PRAG1: variants seen among roughly 807,000 people sequenced by gnomAD.
PRAG1 encodes inactive tyrosine-protein kinase PRAG1.
A neutral mutation model predicts 95.6 loss-of-function variants in PRAG1; 110 were observed. The observed-to-expected ratio is 1.15, with a 90% CI of 0.99 to 1.35. The LOEUF is 1.35. Ranked by LOEUF, PRAG1 falls within the 40% of genes most tolerant of loss-of-function variation. The pLI is 0.00. For missense variants in PRAG1, 2,554 were observed against 1,864.7 expected (o/e 1.37, Z -6.81); for synonymous variants, 1,052 against 819.4 (o/e 1.28, Z -4.85).
intron 3 of PRAG1, among the ~76,000 whole-genome samples, chr8:8,367,011 G>C (rs893415649): frequency 6.6e-6 from 1 of 151,922 alleles, no homozygotes; most frequent in Admixed American, 6.6e-5. Flanking sequence ...AGATTTTATG[G>C]CTGAATCAGC....
intron 5 of PRAG1, among the ~76,000 whole-genome samples, chr8:8,323,073 T>C (rs529042258): frequency 3.9e-5 from 6 of 152,130 alleles, no homozygotes; most frequent in African/African-American, 9.7e-5. Flanking sequence ...AGACACTAAA[T>C]AGACTGCAAA....
chr8:8,339,828 A>G (rs1799109897), intron 3 of PRAG1, among the ~76,000 whole-genome samples, 193 bp from the exon 4 acceptor site: 1 of 152,114 alleles, frequency 6.6e-6, no homozygotes, highest in Non-Finnish European at 1.5e-5. Flanking sequence ...ATGACAGGAG[A>G]CTTCCAGAGT....
intron 2 of PRAG1, among the ~76,000 whole-genome samples, chr8:8,380,495 A>G (rs1800596884): frequency 6.6e-6 from 1 of 151,998 alleles, no homozygotes; most frequent in Non-Finnish European, 1.5e-5. Flanking sequence ...GCTTCTTGGG[A>G]GGGTGAGGCA....
intron 3 of PRAG1, among the ~76,000 whole-genome samples, chr8:8,375,886 A>G (rs60555154): frequency 1.4e-3 from 213 of 152,262 alleles, no homozygotes; most frequent in African/African-American, 4.7e-3. Context: ...ATTAACGGAA[A>G]ATATTCAGGA....
rs893536598 is a variant in PRAG1, at chr8:8,317,855, T to A, written c.*299A>T. Reference sequence around the variant, plus strand: ...AAGGTATTGAGGCCAGTGTCCAGGCTGCATTCAGTTCACAGAACTGTCCTC... The same window carrying A: ...AAGGTATTGAGGCCAGTGTCCAGGCAGCATTCAGTTCACAGAACTGTCCTC... On this transcript the variant is annotated 3_prime_UTR_variant, in exon 6 of 6. Transcript: ENST00000615670. 2 of 222,746 alleles carry A rather than the reference T, an allele frequency of 9.0e-6. No individual in the cohort carries two copies. Among genetic ancestry groups the A allele is most frequent in the Non-Finnish European group, 1.7e-5 (2 of 116,972 alleles). The allele number at this position is 222,746 out of a possible 1,614,324, so 13.8% of individuals were successfully genotyped here. A position where few individuals can be genotyped will look rare whatever the true frequency, so the allele number is the denominator to read the frequency against.
intron 3 of PRAG1, among the ~76,000 whole-genome samples, chr8:8,363,205 T>C (rs1799900851): frequency 1.3e-5 from 2 of 151,770 alleles, no homozygotes. Context: ...AACTATTACT[T>C]CTAACACTTA....
In PRAG1 at chr8:8,328,185, A is replaced by G. The variant is rs1316297184; in HGVS notation, c.2597T>C (p.Leu866Ser). ...VHDESHFSYSLSPGNRHHPVF... is the reference protein window; with the variant it reads ...VHDESHFSYSSSPGNRHHPVF... ...AGGATGGTGGCGGTTCCCGGGGCTC[A>G]ACGAATAGCTAAAGTGAGATTCGTC... Residue 866 changes from leucine to serine, a missense_variant, in exon 5 of 6, where the codon TTG becomes TCG. Transcript: ENST00000615670. 6.2e-7 allele frequency: 1 copy of G among 1,614,082 alleles called. No homozygotes were observed. The highest frequency in any genetic ancestry group is 8.5e-7 in the Non-Finnish European group (1 of 1,180,040).
At position 8,377,550 on chromosome 8, in the gene PRAG1, T is replaced by C; in HGVS notation, c.859A>G (p.Thr287Ala). ...GRHGGRDCSP[T>A]CWEQGKCSGP... ...GAACACTTCCCCTGCTCCCAGCACG[T>C]GGGTGAGCAGTCCCTGCCACCATGC... Residue 287 changes from threonine to alanine, a missense_variant, in exon 3 of 6, where the codon ACG becomes GCG. Thr to Ala is a moderately conservative substitution (Grantham distance 58, BLOSUM62 0). Transcript: ENST00000615670. The C allele has an allele frequency of 1.2e-6, 2 of 1,602,484 alleles. No homozygotes were observed. The highest frequency in any genetic ancestry group is 1.7e-6 in the Non-Finnish European group (2 of 1,174,082).
intron 4 of PRAG1, among the ~76,000 whole-genome samples, chr8:8,336,656 G>A (rs899340029): frequency 1.3e-5 from 2 of 152,114 alleles, no homozygotes; most frequent in Non-Finnish European, 2.9e-5. Context: ...AACAAAGTAA[G>A]AGATTTCGAT....
rs569636705 is a variant in PRAG1 at position 8,371,105 on chromosome 8, C to T, written c.2162+5142G>A. On this transcript the variant is annotated intron_variant, in intron 3 of 5. Transcript: ENST00000615670. ...AAGGCAAGGTACCACCACTGTACTC[C>T]AGCCTGAGCGACAGAGATTCTGTCT... is the stretch of plus-strand genomic sequence containing the variant. Among the ~76,000 whole-genome samples the T allele has an allele frequency of 9.9e-5, 14 of 141,860 alleles. No individual in the cohort carries two copies. The South Asian group carries it at 3.0e-3, about 31-fold the overall frequency. 93.1% of individuals were successfully genotyped at this position (141,860 alleles called of 152,430 possible).
In PRAG1 at chr8:8,377,890, C is replaced by A; in HGVS notation, c.519G>T (p.Arg173Ser). Residue 173 changes from arginine to serine, a missense_variant, in exon 3 of 6, where the codon AGG becomes AGT. Coordinates refer to ENST00000615670, the MANE Select transcript of PRAG1 (RefSeq NM_001080826.3). ...AGCTCACCGGGTGGAAGGCAATGTT[C>A]CTCTCGCCGCGGGGCTCAAGGTTGT... is the stretch of plus-strand genomic sequence containing the variant. ...GLHNLEPRGE[R>S]NIAFHPVSFP... is the part of the protein sequence containing the mutation. The A allele has an allele frequency of 1.9e-6, 3 of 1,614,080 alleles. No homozygotes were observed. The highest frequency in any genetic ancestry group is 2.5e-6 in the Non-Finnish European group (3 of 1,180,012).
At chr8:8,383,820 G>C (rs186904786) in intron 1 of PRAG1, among the ~76,000 whole-genome samples, 4 of 152,180 alleles carry the variant, frequency 2.6e-5, no homozygotes, top group East Asian at 3.9e-4. Flanking sequence ...GAAATAGCCA[G>C]GTTTTGTCTT....
chr8:8,341,613 A>G (rs941608894), intron 3 of PRAG1, among the ~76,000 whole-genome samples: 1 of 152,130 alleles, frequency 6.6e-6, no homozygotes, highest in African/African-American at 2.4e-5. Flanking sequence ...AAATCATATC[A>G]TGTTTCTCCT....
rs377210076 is a variant in PRAG1, at chr8:8,376,250, G to C, written c.2159C>G (p.Ser720Trp). 6.2e-7 allele frequency: 1 copy of C among 1,612,636 alleles called. No individual in the cohort carries two copies. Among genetic ancestry groups the C allele is most frequent in the East Asian group, 2.2e-5 (1 of 44,874 alleles). The change falls in exon 3 of 6, where the codon TCG becomes TGG. Residue 720 changes from serine to tryptophan, a missense_variant. Transcript: ENST00000615670. ...CCAGGCAGACAATGGTACTCACCGC[G>C]ACTTTGGAGGCGGAGGAGGAGGTGA... ...TFSPPPPPPK[S>W]RHLLKMNKSS...
At chr8:8,324,158 G>A (rs1321911450) in intron 5 of PRAG1, among the ~76,000 whole-genome samples, 1 of 152,130 alleles carries the variant, frequency 6.6e-6, no homozygotes, top group East Asian at 1.9e-4. Flanking sequence ...CTGGTGATGC[G>A]GAGGCATCCA....
chr8:8,318,502 G>C lies in PRAG1; in HGVS notation c.3873C>G (p.Pro1291=), dbSNP rs1182329401. ...GGCCGGGTGAGTAGAGGGACAGCGCGGGCAGCGGCGGCAGGTCCTCCTGCC... is the reference window on the plus strand; with the variant it reads ...GGCCGGGTGAGTAGAGGGACAGCGCCGGCAGCGGCGGCAGGTCCTCCTGCC... ...DYRQEDLPPL[P]ALSLYSPGLQ... is the part of the protein sequence containing the mutation. Residue 1291 remains proline (P), a synonymous_variant, in exon 6 of 6, where the codon CCC becomes CCG. Transcript: ENST00000615670. The surrounding 1 kb of genome is among the most constrained non-coding windows in gnomAD (Gnocchi z 4.2). The C allele has an allele frequency of 6.2e-7, 1 of 1,611,814 alleles. No homozygotes were observed.
chr8:8,358,998 T>A (rs1338530106), intron 3 of PRAG1, among the ~76,000 whole-genome samples: 1 of 152,248 alleles, frequency 6.6e-6, no homozygotes, highest in Non-Finnish European at 1.5e-5. Context: ...CATATTGTAG[T>A]TAAAGTATAT....
chr8:8,364,664 G>GT (rs1466989665), intron 3 of PRAG1, among the ~76,000 whole-genome samples: 3 of 143,222 alleles, frequency 2.1e-5, no homozygotes, highest in African/African-American at 8.7e-5. Context: ...GGATTTCAAT[G>GT]TTGTTTTTTT....
In PRAG1 at chr8:8,376,599, C is replaced by A; in HGVS notation, c.1810G>T (p.Val604Phe). Reference sequence around the variant, plus strand: ...CACCTGGATGGGTCACTGATAGCGACACCGTTGGTCCGGCAGGAAGGAGCG... The same window carrying A: ...CACCTGGATGGGTCACTGATAGCGAAACCGTTGGTCCGGCAGGAAGGAGCG... ...DPAPSCRTNG[V>F]AISDPSRCPQ... The change falls in exon 3 of 6, where the codon GTC (valine) becomes TTC (phenylalanine). Residue 604 changes from valine to phenylalanine, a missense_variant. Physicochemically the swap from Val to Phe is conservative, Grantham distance 50 (BLOSUM62 -1). Transcript: ENST00000615670. 1 of 1,603,720 alleles carries A rather than the reference C, an allele frequency of 6.2e-7. No individual in the cohort carries two copies. The highest frequency in any genetic ancestry group is 1.1e-5 in the South Asian group (1 of 89,630).
Sources: gnomAD v4.1 joint callset for allele counts (sites outside exome capture counted in the v4.1 genomes callset) on GRCh38, gnomAD v4.1.1 for gene constraint, Gnocchi (gnomAD v3.1) non-coding constraint, MANE v1.5 for transcripts, NCBI Gene and HGNC (gene_info 2026-07-23, HGNC 2026-07-21) for gene names.